The following CNTN5 variants were observed in gnomAD, a reference collection of about 807,000 sequenced individuals.
The protein encoded by CNTN5 is contactin 5, also known as contactin-5.
CNTN5 carries 77 observed loss-of-function variants against 129.1 expected under a neutral mutation model. That is an observed-to-expected ratio of 0.60 (90% CI 0.50 to 0.72). The LOEUF is 0.72. CNTN5 is among the 30% of genes least tolerant of loss of function. The pLI, the probability that CNTN5 is intolerant of heterozygous loss-of-function variation, is 0.00. For missense variants in CNTN5, 1,478 were observed against 1,328.8 expected, an observed-to-expected ratio of 1.11 and a Z score of -1.75; for synonymous variants, 509 against 465.6, an observed-to-expected ratio of 1.09 and a Z score of -1.20.
At chr11:99,566,432 C>A (rs989131236) in intron 3 of CNTN5, among the ~76,000 whole-genome samples, 1 of 152,198 alleles carries the variant, frequency 6.6e-6, no homozygotes, top group African/African-American at 2.4e-5. Context: ...AACGAACTAA[C>A]ACACATGCAC....
rs1950195556 is a variant in CNTN5, at chr11:99,598,322, T to G, written c.55+42053T>G. Among the ~76,000 whole-genome samples, 7 of 48,026 alleles carry G rather than the reference T, an allele frequency of 1.5e-4. 1 individual carries two copies. The highest frequency in any genetic ancestry group is 2.0e-4 in the African/African-American group (3 of 14,806). The allele number at this position is 48,026 out of a possible 152,430, so 31.5% of individuals were successfully genotyped here. On this transcript the variant is annotated intron_variant, in intron 3 of 24. Transcript: ENST00000524871. ...TTCTTTTCTTTTCTTTTCTTTTCTTTTCTGTCCCTCTCTCTCTCTCTCTCT... is the reference window on the plus strand; with the variant it reads ...TTCTTTTCTTTTCTTTTCTTTTCTTGTCTGTCCCTCTCTCTCTCTCTCTCT...
intron 15 of CNTN5, among the ~76,000 whole-genome samples, chr11:100,223,316 CA>C (rs1045635438): frequency 3.3e-5 from 5 of 151,950 alleles, no homozygotes; most frequent in African/African-American, 1.2e-4. Context: ...AGGCAAAAAG[CA>C]AAACACAACA....
rs553606967 is a variant in CNTN5 at position 99,635,489 on chromosome 11, A to C, written c.55+79220A>C. Among the ~76,000 whole-genome samples the C allele has an allele frequency of 3.2e-5, 3 of 92,462 alleles. No individual in the cohort carries two copies. The East Asian group carries it at 8.3e-4, about 25-fold the overall frequency. 60.7% of individuals were successfully genotyped at this position (92,462 alleles called of 152,430 possible). On this transcript the variant is annotated intron_variant, in intron 3 of 24. Coordinates refer to ENST00000524871, the MANE Select transcript of CNTN5 (RefSeq NM_014361.4). ...AAAATTGGAAATCCTAGCAGAAGTAATAAAACAAATTGAGCCTACTACATA... is the reference window on the plus strand; with the variant it reads ...AAAATTGGAAATCCTAGCAGAAGTACTAAAACAAATTGAGCCTACTACATA...
At chr11:99,926,986 G>T (rs1950077135) in intron 7 of CNTN5, among the ~76,000 whole-genome samples, 1 of 152,084 alleles carries the variant, frequency 6.6e-6, no homozygotes, top group African/African-American at 2.4e-5. Context: ...GAAATACATA[G>T]ATTCTAGGAA....
At chr11:99,248,896 C>T (rs185648879) in intron 1 of CNTN5, among the ~76,000 whole-genome samples, 10 of 152,146 alleles carry the variant, frequency 6.6e-5, no homozygotes, top group South Asian at 2.1e-4. Flanking sequence ...AGTCAGGTAG[C>T]GTGATGCCTC....
At chr11:99,441,722 A>C (rs1317181734) in intron 2 of CNTN5, among the ~76,000 whole-genome samples, 1 of 152,230 alleles carries the variant, frequency 6.6e-6, no homozygotes, top group African/African-American at 2.4e-5. Flanking sequence ...TGAATTAAGC[A>C]TGTGGATATT....
At chr11:99,557,745 T>TATA (rs113758282) in intron 3 of CNTN5, among the ~76,000 whole-genome samples, 13,327 of 151,640 alleles carry the variant, frequency 0.088, 1,146 homozygotes, top group East Asian at 0.33. Context: ...ATCCTCAACT[T>TATA]ATCAGATTAT....
At chr11:99,419,074 A>G (rs967387619) in intron 2 of CNTN5, among the ~76,000 whole-genome samples, 1 of 152,206 alleles carries the variant, frequency 6.6e-6, no homozygotes, top group Non-Finnish European at 1.5e-5. Flanking sequence ...CCTGCCACTA[A>G]GCAAGTGCCA....
intron 16 of CNTN5, among the ~76,000 whole-genome samples, chr11:100,235,237 G>C (rs575174459): frequency 1.3e-5 from 2 of 151,842 alleles, no homozygotes; most frequent in Non-Finnish European, 2.9e-5. Flanking sequence ...TTTTCTGAAC[G>C]CATTCTGTTT....
intron 2 of CNTN5, among the ~76,000 whole-genome samples, chr11:99,342,031 A>G (rs1866535372): frequency 6.6e-6 from 1 of 152,210 alleles, no homozygotes; most frequent in Non-Finnish European, 1.5e-5. Flanking sequence ...TGGCCTGCTT[A>G]ATAAAATAAT....
chr11:99,500,321 T>G (rs912757651), intron 2 of CNTN5, among the ~76,000 whole-genome samples: 1 of 152,164 alleles, frequency 6.6e-6, no homozygotes, highest in Non-Finnish European at 1.5e-5. Flanking sequence ...GCACTCAAAT[T>G]AATTCCAATG....
chr11:100,078,903 A>C lies in CNTN5; in HGVS notation c.1580+4609A>C, dbSNP rs143304792. The stretch of plus-strand genomic sequence containing the variant: ...AGTACTGCCCAAGACTGGGTAATTT[A>C]TAAAGGAAAGAGGTTTGATTGACTC... On this transcript the variant is annotated intron_variant, in intron 13 of 24. Coordinates refer to ENST00000524871, the MANE Select transcript of CNTN5 (RefSeq NM_014361.4). Among the ~76,000 whole-genome samples, 251 of 152,202 alleles carry C rather than the reference A, an allele frequency of 1.6e-3. 2 individuals are homozygous for C. The highest frequency in any genetic ancestry group is 7.1e-3 in the South Asian group (34 of 4,818).
chr11:99,715,118 A>G (rs910491505), intron 3 of CNTN5, among the ~76,000 whole-genome samples: 9 of 152,140 alleles, frequency 5.9e-5, no homozygotes, highest in Non-Finnish European at 1.3e-4. Context: ...TTCAATAAAT[A>G]TTTGCTAGCT....
At chr11:99,083,983 C>G (rs1464934194) in intron 1 of CNTN5, among the ~76,000 whole-genome samples, 8 of 152,060 alleles carry the variant, frequency 5.3e-5, no homozygotes, top group African/African-American at 1.4e-4. Context: ...GACATTATTC[C>G]TTGTTCAAAA....
intron 2 of CNTN5, among the ~76,000 whole-genome samples, chr11:99,497,631 A>G (rs17133642): frequency 0.21 from 31,811 of 152,124 alleles, 3,554 homozygotes; most frequent in Non-Finnish European, 0.25. Context: ...ACATACATGT[A>G]GCTCAACTCA....
At chr11:99,715,623 T>C (rs1565455312) in intron 3 of CNTN5, among the ~76,000 whole-genome samples, 1 of 151,964 alleles carries the variant, frequency 6.6e-6, no homozygotes, top group East Asian at 1.9e-4. Context: ...CAAGGAGTAA[T>C]AAACAAAAAG....
At chr11:99,312,195 A>C (rs971777286) in intron 1 of CNTN5, among the ~76,000 whole-genome samples, 1 of 152,228 alleles carries the variant, frequency 6.6e-6, no homozygotes, top group Admixed American at 6.5e-5. Context: ...TAAATAATAC[A>C]TAAACAATTT....
intron 2 of CNTN5, among the ~76,000 whole-genome samples, chr11:99,495,516 C>A (rs1037421970): frequency 2.6e-5 from 4 of 152,154 alleles, no homozygotes; most frequent in Non-Finnish European, 5.9e-5. Context: ...AGAGAAATAG[C>A]AGTTTTCATG....
chr11:99,444,991 G>GT (rs1175499661), intron 2 of CNTN5, among the ~76,000 whole-genome samples: 1 of 149,364 alleles, frequency 6.7e-6, no homozygotes, highest in African/African-American at 2.4e-5. Context: ...ATAGTTTGTG[G>GT]TTTTCCACCT....
Sources: allele counts gnomAD v4.1 joint callset (sites outside exome capture counted in the v4.1 genomes callset), GRCh38; gene constraint gnomAD v4.1.1; transcripts MANE v1.5; gene names NCBI Gene and HGNC (gene_info 2026-07-23, HGNC 2026-07-21).